PTPRD: variants seen among roughly 807,000 people sequenced by gnomAD.
PTPRD encodes the protein receptor-type tyrosine-protein phosphatase delta.
Under a neutral mutation model 214.5 loss-of-function variants are expected in PTPRD, and 34 were observed. The ratio of observed to expected loss-of-function variants is 0.16; its 90% CI spans 0.12 to 0.21. The LOEUF (loss-of-function observed/expected upper bound fraction) is 0.21, where lower values mean the gene tolerates loss of function less well. PTPRD is among the 10% of genes least tolerant of loss of function. The probability of loss-of-function intolerance (pLI) is 1.00; values close to 1 mark genes in which losing one functional copy is unlikely to be tolerated. For missense variants in PTPRD, 2,545 were observed against 2,398.7 expected (o/e 1.06, Z -1.27); for synonymous variants, 1,128 against 845.7 (o/e 1.33, Z -5.79).
intron 8 of PTPRD, among the ~76,000 whole-genome samples, chr9:9,431,226 G>T (rs199959656): frequency 0.066 from 9,965 of 151,706 alleles, 357 homozygotes; most frequent in Middle Eastern, 0.17. Context: ...AAACAACCCC[G>T]TCAAAAAGTA....
chr9:9,664,215 G>A (rs1240472895), intron 7 of PTPRD, among the ~76,000 whole-genome samples: 1 of 151,234 alleles, frequency 6.6e-6, no homozygotes, highest in Non-Finnish European at 1.5e-5. Context: ...AACCAGGTAT[G>A]GGTTCTGACT....
At chr9:8,358,267 T>A (rs1588576670) in intron 39 of PTPRD, among the ~76,000 whole-genome samples, 1 of 151,616 alleles carries the variant, frequency 6.6e-6, no homozygotes, top group East Asian at 1.9e-4. Flanking sequence ...ACTTTAAAAT[T>A]CCCCCCATCA....
intron 2 of PTPRD, among the ~76,000 whole-genome samples, chr9:10,392,973 G>A (rs1469135975): frequency 1.3e-5 from 2 of 151,750 alleles, no homozygotes; most frequent in Admixed American, 1.3e-4. Context: ...CAAAGTAGCA[G>A]AGCAGAGCAG....
At chr9:10,507,459 A>G (rs958462796) in intron 2 of PTPRD, among the ~76,000 whole-genome samples, 3 of 152,154 alleles carry the variant, frequency 2.0e-5, no homozygotes, top group Admixed American at 6.5e-5. Flanking sequence ...TTTAAAGATC[A>G]TATGGAACCA....
chr9:8,395,895 C>T (rs1260417347), intron 36 of PTPRD, among the ~76,000 whole-genome samples: 3 of 152,036 alleles, frequency 2.0e-5, no homozygotes, highest in Admixed American at 1.3e-4. Flanking sequence ...GAATTACCAG[C>T]ACCTGTGATA....
At chr9:9,038,554 T>G (rs1264669592) in intron 10 of PTPRD, among the ~76,000 whole-genome samples, 3 of 5,210 alleles carry the variant, frequency 5.8e-4, no homozygotes, top group Non-Finnish European at 1.9e-3. Context: ...GTGATAACGG[T>G]TTTTTTTTTT....
At chr9:9,856,625 G>A (rs1433059041) in intron 5 of PTPRD, among the ~76,000 whole-genome samples, 1 of 134,952 alleles carries the variant, frequency 7.4e-6, no homozygotes, top group Non-Finnish European at 1.7e-5. Context: ...TAAAAAAAAA[G>A]AAGAAAATTT....
chr9:8,679,143 T>C (rs1046104305), intron 12 of PTPRD, among the ~76,000 whole-genome samples: 2 of 152,166 alleles, frequency 1.3e-5, no homozygotes, highest in African/African-American at 2.4e-5. Flanking sequence ...AAGGATTCCA[T>C]CTTTAGAGGC....
At chr9:9,536,948 G>C (rs931703904) in intron 8 of PTPRD, among the ~76,000 whole-genome samples, 1 of 151,932 alleles carries the variant, frequency 6.6e-6, no homozygotes, top group Non-Finnish European at 1.5e-5. Flanking sequence ...AGATGGTCCA[G>C]GAACAGCTAA....
chr9:9,929,627 C>T (rs899153609), intron 5 of PTPRD, among the ~76,000 whole-genome samples: 1 of 152,078 alleles, frequency 6.6e-6, no homozygotes, highest in African/African-American at 2.4e-5. Context: ...CTCTTGACCT[C>T]GTGATCTGCC....
intron 5 of PTPRD, among the ~76,000 whole-genome samples, chr9:9,914,833 T>G (rs2080241279): frequency 6.6e-6 from 1 of 152,002 alleles, no homozygotes; most frequent in Non-Finnish European, 1.5e-5. Flanking sequence ...CCAAACTAGC[T>G]AGGAAACTGC....
At chr9:10,179,071 T>A (rs1347201401) in intron 3 of PTPRD, among the ~76,000 whole-genome samples, 1 of 151,980 alleles carries the variant, frequency 6.6e-6, no homozygotes, top group African/African-American at 2.4e-5. Context: ...GATAAAATGC[T>A]AAATATTAAA....
At chr9:8,857,672 G>GC (rs549386024) in intron 11 of PTPRD, 95 of 159,050 alleles carry the variant, frequency 6.0e-4, no homozygotes, top group Middle Eastern at 3.1e-3. Context: ...CGCCGCCACC[G>GC]CCTCCCGCGC....
rs1246500477 is a variant in PTPRD at position 9,471,722 on chromosome 9, CTTTA to C, written c.-236-74244_-236-74241del. Among the ~76,000 whole-genome samples the C allele has an allele frequency of 9.2e-5, 14 of 152,100 alleles. No individual in the cohort carries two copies. The East Asian group carries it at 2.7e-3, about 29-fold the overall frequency. On this transcript the variant is annotated intron_variant, in intron 8 of 45. Transcript: ENST00000381196. ...TGAACAATTCAATGCATTTCAGTTA[CTTTA>C]TTTTTCTTTACACAAACTTTTAGGC...
intron 9 of PTPRD, among the ~76,000 whole-genome samples, chr9:9,211,858 A>G (rs1036170644): frequency 1.3e-4 from 19 of 151,844 alleles, no homozygotes; most frequent in Admixed American, 1.2e-3. Flanking sequence ...CAGGCTGAGT[A>G]ACTTAGCCCA....
intron 2 of PTPRD, among the ~76,000 whole-genome samples, chr9:10,364,191 T>G (rs1382383153): frequency 1.3e-5 from 2 of 151,616 alleles, no homozygotes. Flanking sequence ...TTAGTAGAGA[T>G]AGGGTTTCAC....
At chr9:10,125,788 T>TA (rs1352251502) in intron 3 of PTPRD, among the ~76,000 whole-genome samples, 1 of 152,050 alleles carries the variant, frequency 6.6e-6, no homozygotes, top group African/African-American at 2.4e-5. Context: ...ATCTTCTTTT[T>TA]AAAAAATATT....
At chr9:10,052,824 T>C (rs1291607253) in intron 3 of PTPRD, among the ~76,000 whole-genome samples, 1 of 152,182 alleles carries the variant, frequency 6.6e-6, no homozygotes, top group African/African-American at 2.4e-5. Context: ...TCTTTTTACC[T>C]TTCCCTCTCT....
chr9:10,513,698 G>C (rs554689446), intron 2 of PTPRD, among the ~76,000 whole-genome samples: 1 of 152,268 alleles, frequency 6.6e-6, no homozygotes, highest in East Asian at 1.9e-4. Context: ...TACTTTGAAA[G>C]TCAGGGCCTG....
Sources: allele counts gnomAD v4.1 joint callset (sites outside exome capture counted in the v4.1 genomes callset), GRCh38; gene constraint gnomAD v4.1.1; transcripts MANE v1.5; gene names NCBI Gene and HGNC (gene_info 2026-07-23, HGNC 2026-07-21).